Variants in RASGRF2 observed in about 807,000 individuals in gnomAD.
The protein encoded by RASGRF2 is ras-specific guanine nucleotide-releasing factor 2.
In RASGRF2, 76 loss-of-function variants were observed where a neutral mutation model predicts 151.0. That is an observed-to-expected ratio of 0.50 (90% CI 0.42 to 0.61). The LOEUF is 0.61. Ranked by LOEUF, RASGRF2 falls within the 20% of genes least tolerant of loss-of-function variation. The probability of loss-of-function intolerance (pLI) is 0.00; values close to 1 mark genes in which losing one functional copy is unlikely to be tolerated. For missense variants in RASGRF2, 1,148 were observed against 1,564.6 expected (o/e 0.73, Z 4.49); for synonymous variants, 504 against 566.5 (o/e 0.89, Z 1.57).
intron 1 of RASGRF2, among the ~76,000 whole-genome samples, chr5:81,036,729 C>G (rs1750510645): frequency 6.6e-6 from 1 of 152,008 alleles, no homozygotes; most frequent in African/African-American, 2.4e-5. Flanking sequence ...CCAAATTGAG[C>G]TGATTTCTGT....
intron 1 of RASGRF2, among the ~76,000 whole-genome samples, chr5:80,995,893 G>C (rs181520221): frequency 6.6e-6 from 1 of 151,792 alleles, no homozygotes; most frequent in Admixed American, 6.6e-5. Context: ...GTGTTTCATC[G>C]TGTTGGCCAG....
intron 1 of RASGRF2, among the ~76,000 whole-genome samples, chr5:80,994,977 C>T (rs1748788024): frequency 6.6e-6 from 1 of 152,102 alleles, no homozygotes; most frequent in Non-Finnish European, 1.5e-5. Context: ...TTACTTAGGG[C>T]CGGGCATGGT....
intron 1 of RASGRF2, among the ~76,000 whole-genome samples, chr5:81,003,754 A>C (rs2112296944): frequency 6.6e-6 from 1 of 152,366 alleles, no homozygotes; most frequent in Non-Finnish European, 1.5e-5. Context: ...TGCAGGTATC[A>C]AAATAGAAAT....
intron 18 of RASGRF2, among the ~76,000 whole-genome samples, chr5:81,200,992 C>T (rs1755375956): frequency 6.6e-6 from 1 of 151,956 alleles, no homozygotes; most frequent in Non-Finnish European, 1.5e-5. Flanking sequence ...GGGATGCAAG[C>T]AGTGTGAGAG....
At chr5:80,976,173 A>G (rs1748108432) in intron 1 of RASGRF2, among the ~76,000 whole-genome samples, 3 of 152,152 alleles carry the variant, frequency 2.0e-5, no homozygotes, top group African/African-American at 4.8e-5. Flanking sequence ...GGCCTGTAGT[A>G]TACTAACTTG....
intron 9 of RASGRF2, chr5:81,088,582 G>A (rs1357608222): frequency 6.6e-6 from 1 of 152,160 alleles, no homozygotes; most frequent in African/African-American, 2.4e-5. Flanking sequence ...ACTGTAAAGT[G>A]TTTTATGTTG....
intron 2 of RASGRF2, among the ~76,000 whole-genome samples, chr5:81,064,194 G>A (rs952028849): frequency 2.0e-5 from 3 of 152,114 alleles, no homozygotes; most frequent in Non-Finnish European, 2.9e-5. Flanking sequence ...GGCTAGGTTC[G>A]CTTCCTTACC....
chr5:81,029,322 T>A (rs1471840935), intron 1 of RASGRF2, among the ~76,000 whole-genome samples: 1 of 152,192 alleles, frequency 6.6e-6, no homozygotes, highest in Non-Finnish European at 1.5e-5. Flanking sequence ...GCACACAGGT[T>A]GAGATCTGAG....
intron 2 of RASGRF2, among the ~76,000 whole-genome samples, chr5:81,063,433 G>C (rs1298037243): frequency 6.6e-6 from 1 of 152,112 alleles, no homozygotes; most frequent in Non-Finnish European, 1.5e-5. Flanking sequence ...TTTTAGTAAA[G>C]ACAGAGTTTC....
At chr5:81,206,948 C>G in intron 20 of RASGRF2, 43 bp downstream of exon 20, 1 of 1,454,696 alleles carries the variant, frequency 6.9e-7, no homozygotes, top group Non-Finnish European at 9.7e-7. Context: ...TATGTGCAAA[C>G]TACCTCTCCA....
chr5:81,014,690 A>G (rs1383806030), intron 1 of RASGRF2, among the ~76,000 whole-genome samples: 1 of 152,194 alleles, frequency 6.6e-6, no homozygotes, highest in Admixed American at 6.5e-5. Flanking sequence ...TTATTAAAAT[A>G]AGGAATGTTC....
rs1753033397 is a variant in RASGRF2, at chr5:81,112,767, C to T, written c.1996C>T (p.Leu666=). 1 of 1,614,256 alleles carries T rather than the reference C, an allele frequency of 6.2e-7. No individual in the cohort carries two copies. Among genetic ancestry groups the T allele is most frequent in the Non-Finnish European group, 8.5e-7 (1 of 1,180,042 alleles). Residue 666 remains leucine, a synonymous_variant, in exon 14 of 27, where the codon CTG becomes TTG. Transcript: ENST00000265080. ...FLSIDFLNTF[L]HTYRIFTTAA... ...TAGTATTGATTTCCTCAACACCTTT[C>T]TGCACACCTATCGTATTTTCACTAC...
At chr5:81,149,397 T>C (rs1052587324) in intron 17 of RASGRF2, among the ~76,000 whole-genome samples, 1 of 152,114 alleles carries the variant, frequency 6.6e-6, no homozygotes, top group African/African-American at 2.4e-5. Context: ...AAACATCGTA[T>C]GTTCTCACTT....
intron 9 of RASGRF2, among the ~76,000 whole-genome samples, chr5:81,091,708 G>C (rs1752393410): frequency 6.6e-6 from 1 of 151,982 alleles, no homozygotes; most frequent in African/African-American, 2.4e-5. Context: ...GAACTTTAGT[G>C]GTCTTTTTCT....
chr5:81,179,395 G>C (rs916826624), intron 17 of RASGRF2, among the ~76,000 whole-genome samples: 1 of 152,194 alleles, frequency 6.6e-6, no homozygotes, highest in Non-Finnish European at 1.5e-5. Context: ...GTGGGAAACC[G>C]GTCACCAGAG....
intron 1 of RASGRF2, among the ~76,000 whole-genome samples, chr5:80,980,331 C>T (rs1373535065): frequency 6.6e-5 from 10 of 152,156 alleles, no homozygotes; most frequent in Non-Finnish European, 1.5e-5. Context: ...TGATTTTGGC[C>T]CCAGACAGTA....
At chr5:81,090,364 C>G (rs1285214874) in intron 9 of RASGRF2, among the ~76,000 whole-genome samples, 5 of 152,120 alleles carry the variant, frequency 3.3e-5, no homozygotes, top group Non-Finnish European at 5.9e-5. Flanking sequence ...GACCAGGATG[C>G]AAAGAATCAT....
chr5:81,085,781 C>T (rs752724577), intron 7 of RASGRF2, 21 bp from the exon 8 acceptor site: 1 of 1,613,850 alleles, frequency 6.2e-7, no homozygotes, highest in Non-Finnish European at 8.5e-7. Flanking sequence ...CTTGCTCATA[C>T]TGGCCTCTGT....
At chr5:80,972,924 A>G (rs188077086) in intron 1 of RASGRF2, among the ~76,000 whole-genome samples, 18 of 152,260 alleles carry the variant, frequency 1.2e-4, no homozygotes, top group Middle Eastern at 3.4e-3. Flanking sequence ...ATAATTTCAT[A>G]TTGTTTATCC....
Sources: gnomAD v4.1 joint callset for allele counts (sites outside exome capture counted in the v4.1 genomes callset) on GRCh38, gnomAD v4.1.1 for gene constraint, MANE v1.5 for transcripts, NCBI Gene and HGNC (gene_info 2026-07-23, HGNC 2026-07-21) for gene names.